The following RNF217 variants were observed in gnomAD, a reference collection of about 807,000 sequenced individuals.
RNF217 encodes the protein E3 ubiquitin-protein ligase RNF217.
A neutral mutation model predicts 57.8 loss-of-function variants in RNF217; 31 were observed. The observed-to-expected ratio is 0.54, with a 90% CI of 0.40 to 0.72. The LOEUF is 0.72. Ranked by LOEUF, RNF217 falls within the 30% of genes least tolerant of loss-of-function variation. RNF217 has a pLI of 0.00. For synonymous variants in RNF217, 313 were observed against 294.0 expected (o/e 1.06, Z -0.66); for missense variants, 696 against 708.3 (o/e 0.98, Z 0.20).
chr6:125,006,570 A>G lies in RNF217; in HGVS notation c.883-38641A>G, dbSNP rs62433313. Among the ~76,000 whole-genome samples the G allele has an allele frequency of 4.1e-3, 632 of 152,360 alleles. 3 individuals are homozygous for G. Among genetic ancestry groups the G allele is most frequent in the Non-Finnish European group, 7.6e-3 (518 of 68,034 alleles). Reference sequence around the variant, plus strand: ...TAATTAATTTCAATGAAAGCATACTATTCTGAGCAAATATATAACAACCTA... The same window carrying G: ...TAATTAATTTCAATGAAAGCATACTGTTCTGAGCAAATATATAACAACCTA... On this transcript the variant is annotated intron_variant, in intron 1 of 5. Transcript: ENST00000521654.
rs1788884861 is a variant in RNF217, at chr6:125,089,970, T to C, written c.*7033T>C. 1 of 152,144 alleles carries C rather than the reference T, an allele frequency of 6.6e-6. No individual in the cohort carries two copies. The highest frequency in any genetic ancestry group is 1.5e-5 in the Non-Finnish European group (1 of 68,014). 9.4% of individuals were successfully genotyped at this position (152,144 alleles called of 1,614,324 possible). A position where few individuals can be genotyped will look rare whatever the true frequency, so the allele number is the denominator to read the frequency against. On this transcript the variant is annotated 3_prime_UTR_variant, in exon 6 of 6. Transcript: ENST00000521654. ...TAGCATGCTTTATGTTTCTTTATAA[T>C]GAAAAGTCTAGATAAAGTATCATAA...
chr6:124,974,925 T>C (rs1396103507), intron 1 of RNF217, among the ~76,000 whole-genome samples: 1 of 152,210 alleles, frequency 6.6e-6, no homozygotes, highest in Non-Finnish European at 1.5e-5. Flanking sequence ...CTGTATTCCC[T>C]GGAACAGAAG....
Position 124,971,525 on chromosome 6 carries a change from G to A in RNF217, c.882+8099G>A, listed in dbSNP as rs933066217. 4 of 302,282 alleles carry A rather than the reference G, an allele frequency of 1.3e-5. No individual in the cohort carries two copies. The East Asian group carries it at 5.2e-4, about 39-fold the overall frequency. 18.7% of individuals were successfully genotyped at this position (302,282 alleles called of 1,614,324 possible). A position where few individuals can be genotyped will look rare whatever the true frequency, so the allele number is the denominator to read the frequency against. On this transcript the variant is annotated intron_variant, in intron 1 of 5. Transcript: ENST00000521654. ...GGCTGGAGTGCAGTGGCATGATCTC[G>A]GCTCACGGAAACCTCCACATCCCAG...
chr6:125,079,605 A>G (rs1788501844), intron 4 of RNF217, among the ~76,000 whole-genome samples: 1 of 152,180 alleles, frequency 6.6e-6, no homozygotes, highest in Non-Finnish European at 1.5e-5. Context: ...TCTGCTAACT[A>G]TTGATTAGCA....
chr6:125,076,639 C>T lies in RNF217; in HGVS notation c.1282-18C>T, dbSNP rs762273322. 1.3e-5 allele frequency: 21 copies of T among 1,573,828 alleles called. No individual in the cohort carries two copies. Among genetic ancestry groups the T allele is most frequent in the Non-Finnish European group, 1.8e-5 (21 of 1,144,116 alleles). ...TCAGCTAACTCTTTCCTTCTCCTTC[C>T]CTCTCTTGCTGATACAGATCCACAT... On this transcript the variant is annotated intron_variant, in intron 3 of 5. Transcript: ENST00000521654.
chr6:125,045,570 C>A, intron 2 of RNF217, 126 bp downstream of exon 2: 1 of 655,910 alleles, frequency 1.5e-6, no homozygotes, highest in Non-Finnish European at 2.6e-6. Context: ...CATATATTGG[C>A]CATCATTCTG....
At chr6:125,050,252 G>C (rs1364249726) in intron 2 of RNF217, among the ~76,000 whole-genome samples, 1 of 151,944 alleles carries the variant, frequency 6.6e-6, no homozygotes, top group East Asian at 1.9e-4. Context: ...CAACATGTTA[G>C]AGAACACGTT....
At chr6:125,046,443 G>A (rs927786907) in intron 2 of RNF217, among the ~76,000 whole-genome samples, 3 of 151,996 alleles carry the variant, frequency 2.0e-5, no homozygotes, top group Admixed American at 6.6e-5. Flanking sequence ...AGAATCACCC[G>A]AGAACTTCCA....
intron 1 of RNF217, chr6:125,009,392 T>A (rs1286940226): frequency 5.8e-6 from 4 of 684,448 alleles, no homozygotes; most frequent in Non-Finnish European, 7.7e-6. Context: ...CCTGGAAGAG[T>A]AGATTTTTTC....
rs1356260255 is a variant in RNF217, at chr6:125,085,924, T to G, written c.*2987T>G. The G allele has an allele frequency of 1.3e-5, 2 of 152,006 alleles. No homozygotes were observed. Among genetic ancestry groups the G allele is most frequent in the African/African-American group, 4.8e-5 (2 of 41,446 alleles). 9.4% of individuals were successfully genotyped at this position (152,006 alleles called of 1,614,324 possible). On this transcript the variant is annotated 3_prime_UTR_variant, in exon 6 of 6. Transcript: ENST00000521654. ...CCATAAGCGTTTAAATAGATTTACC[T>G]CATTCTTTTATAAATTACTGCATAA...
At chr6:125,009,377 T>C (rs960651513) in intron 1 of RNF217, 2 of 802,770 alleles carry the variant, frequency 2.5e-6, no homozygotes, top group Middle Eastern at 2.3e-4. Flanking sequence ...CTCACAGACA[T>C]AGAGCCTGGA....
rs1784554149 is a variant in RNF217, at chr6:124,991,369, G to GCTCA, written c.882+27944_882+27947dup. 3.3e-5 allele frequency among the ~76,000 whole-genome samples: 5 copies of GCTCA among 152,256 alleles called. No homozygotes were observed. In the South Asian group the frequency reaches 1.0e-3, roughly 32 times the overall value. On this transcript the variant is annotated intron_variant, in intron 1 of 5. Coordinates refer to ENST00000521654, the MANE Select transcript of RNF217 (RefSeq NM_001286398.3). Reference sequence around the variant, plus strand: ...AGCTCTTAATCTGTTTCCAGTCTGTGCTCAAATATCAATTTCTCCTAGTGG... The same window carrying GCTCA: ...AGCTCTTAATCTGTTTCCAGTCTGTGCTCACTCAAATATCAATTTCTCCTAGTGG...
intron 1 of RNF217, among the ~76,000 whole-genome samples, chr6:125,018,750 G>A (rs1785705832): frequency 6.6e-6 from 1 of 152,116 alleles, no homozygotes; most frequent in Non-Finnish European, 1.5e-5. Flanking sequence ...TAAGGAAGAG[G>A]AATGCTACCC....
In RNF217 at chr6:124,965,114, A is replaced by C. The variant is rs201991785; in HGVS notation, c.882+1688A>C. ...TTTAGGAAGTTTTAGTAATGGTAGT[A>C]GGGAGACAGAGGGACATAGTCAAGT... On this transcript the variant is annotated intron_variant, in intron 1 of 5. Coordinates refer to ENST00000521654, the MANE Select transcript of RNF217 (RefSeq NM_001286398.3). 7.9e-5 allele frequency among the ~76,000 whole-genome samples: 12 copies of C among 152,306 alleles called. No homozygotes were observed. The East Asian group carries it at 2.3e-3, about 29-fold the overall frequency.
intron 3 of RNF217, among the ~76,000 whole-genome samples, chr6:125,060,768 G>C (rs1170653992): frequency 1.3e-5 from 2 of 152,062 alleles, no homozygotes; most frequent in Non-Finnish European, 2.9e-5. Flanking sequence ...CAAATGATTT[G>C]TTTATCAAGG....
At position 124,977,822 on chromosome 6, in the gene RNF217, C is replaced by T. The variant is rs1279297476; in HGVS notation, c.882+14396C>T. ...AATCTCATCACCTCTTCTGAAAAAACAAATTGAAGCACATGTTCAGGTTAT... is the reference window on the plus strand; with the variant it reads ...AATCTCATCACCTCTTCTGAAAAAATAAATTGAAGCACATGTTCAGGTTAT... On this transcript the variant is annotated intron_variant, in intron 1 of 5. Coordinates refer to ENST00000521654, the MANE Select transcript of RNF217 (RefSeq NM_001286398.3). Among the ~76,000 whole-genome samples the T allele has an allele frequency of 2.6e-5, 4 of 152,118 alleles. No individual in the cohort carries two copies. In the East Asian group the frequency reaches 5.8e-4, roughly 22 times the overall value.
intron 1 of RNF217, among the ~76,000 whole-genome samples, chr6:125,030,529 C>T (rs904845820): frequency 2.0e-5 from 3 of 152,140 alleles, no homozygotes. Context: ...GGCCAAAAGG[C>T]CAAAACAAAG....
chr6:125,067,324 TAAAAG>T (rs1354930973), intron 3 of RNF217, among the ~76,000 whole-genome samples: 7 of 152,108 alleles, frequency 4.6e-5, no homozygotes, highest in Non-Finnish European at 8.8e-5. Context: ...CATTGAAAAA[TAAAAG>T]CAGGAGAGTA....
intron 3 of RNF217, among the ~76,000 whole-genome samples, chr6:125,067,135 C>T (rs192433025): frequency 8.5e-5 from 13 of 152,264 alleles, no homozygotes; most frequent in African/African-American, 2.9e-4. Flanking sequence ...ATTAAAACTG[C>T]AAAGGCACAG....
Sources: gnomAD v4.1 joint callset for allele counts (sites outside exome capture counted in the v4.1 genomes callset) on GRCh38, gnomAD v4.1.1 for gene constraint, MANE v1.5 for transcripts, NCBI Gene and HGNC (gene_info 2026-07-23, HGNC 2026-07-21) for gene names.